CLSTN2: variants seen among roughly 807,000 people sequenced by gnomAD.
CLSTN2 encodes calsyntenin 2, also known as calsyntenin-2.
A neutral mutation model predicts 101.2 loss-of-function variants in CLSTN2; 48 were observed. The observed-to-expected ratio is 0.47, with a 90% CI of 0.38 to 0.60. The LOEUF is 0.60. Ranked by LOEUF, CLSTN2 falls within the 20% of genes least tolerant of loss-of-function variation. The pLI, the probability that CLSTN2 is intolerant of heterozygous loss-of-function variation, is 0.00. For missense variants in CLSTN2, 1,160 were observed against 1,238.2 expected (o/e 0.94, Z 0.95); for synonymous variants, 481 against 463.6 (o/e 1.04, Z -0.48).
intron 1 of CLSTN2, among the ~76,000 whole-genome samples, chr3:140,130,789 G>A (rs1346217683): frequency 1.3e-5 from 2 of 152,114 alleles, no homozygotes; most frequent in Non-Finnish European, 2.9e-5. Flanking sequence ...ATATTCCTGT[G>A]ATATATTTTG....
intron 2 of CLSTN2, among the ~76,000 whole-genome samples, chr3:140,221,269 T>C (rs1228124065): frequency 6.6e-6 from 1 of 152,238 alleles, no homozygotes; most frequent in Non-Finnish European, 1.5e-5. Flanking sequence ...AAAACTCATT[T>C]GGTAAAAAAA....
At chr3:140,153,405 C>A (rs2009899411) in intron 1 of CLSTN2, among the ~76,000 whole-genome samples, 1 of 152,392 alleles carries the variant, frequency 6.6e-6, no homozygotes, top group Non-Finnish European at 1.5e-5. Flanking sequence ...GGAGCTGTGG[C>A]TTGGGCATTC....
chr3:140,424,051 G>C (rs2088534903), intron 5 of CLSTN2, among the ~76,000 whole-genome samples: 1 of 152,266 alleles, frequency 6.6e-6, no homozygotes, highest in South Asian at 2.1e-4. Flanking sequence ...CTTTGTTTGA[G>C]TGTTCAATTT....
At chr3:140,038,607 A>C (rs560910107) in intron 1 of CLSTN2, among the ~76,000 whole-genome samples, 1 of 152,198 alleles carries the variant, frequency 6.6e-6, no homozygotes, top group South Asian at 2.1e-4. Flanking sequence ...TTTGTCATGA[A>C]ATTTTTGAGA....
At chr3:140,484,570 G>A (rs1314315701) in intron 8 of CLSTN2, among the ~76,000 whole-genome samples, 1 of 151,102 alleles carries the variant, frequency 6.6e-6, no homozygotes, top group Non-Finnish European at 1.5e-5. Flanking sequence ...TTCCAACTTA[G>A]TTCCATTCTC....
chr3:140,164,133 A>C (rs2010095911), intron 1 of CLSTN2, among the ~76,000 whole-genome samples: 1 of 152,212 alleles, frequency 6.6e-6, no homozygotes, highest in Non-Finnish European at 1.5e-5. Flanking sequence ...GAATGTGAGC[A>C]TTAAACAATC....
At chr3:140,038,571 C>T (rs899856630) in intron 1 of CLSTN2, among the ~76,000 whole-genome samples, 2 of 151,942 alleles carry the variant, frequency 1.3e-5, no homozygotes, top group Admixed American at 1.3e-4. Flanking sequence ...TCAATTTTTG[C>T]TTTTGTTGCA....
intron 4 of CLSTN2, among the ~76,000 whole-genome samples, chr3:140,406,350 T>C (rs2088301635): frequency 6.6e-6 from 1 of 151,716 alleles, no homozygotes; most frequent in East Asian, 1.9e-4. Flanking sequence ...AGAACTAATA[T>C]TCATAAGACA....
chr3:140,375,524 C>G (rs532834759), intron 2 of CLSTN2, among the ~76,000 whole-genome samples: 1 of 152,240 alleles, frequency 6.6e-6, no homozygotes, highest in East Asian at 1.9e-4. Flanking sequence ...GCCCAATTAC[C>G]CTAGTTTTAT....
At chr3:140,016,500 C>T (rs1430430993) in intron 1 of CLSTN2, among the ~76,000 whole-genome samples, 1 of 151,836 alleles carries the variant, frequency 6.6e-6, no homozygotes, top group Non-Finnish European at 1.5e-5. Context: ...AGATTTGTGA[C>T]AATTTGAAAA....
intron 1 of CLSTN2, among the ~76,000 whole-genome samples, chr3:140,041,113 T>C (rs1045721675): frequency 5.3e-5 from 8 of 152,204 alleles, no homozygotes; most frequent in Non-Finnish European, 8.8e-5. Context: ...ATTCATCACG[T>C]TAAATCCGGA....
chr3:140,235,754 C>T (rs183994198), intron 2 of CLSTN2, among the ~76,000 whole-genome samples: 8 of 152,232 alleles, frequency 5.3e-5, no homozygotes, highest in Non-Finnish European at 1.2e-4. Context: ...TAAACATTCT[C>T]CTACTGAGTA....
intron 1 of CLSTN2, among the ~76,000 whole-genome samples, chr3:139,971,510 T>C (rs760878484): frequency 5.9e-5 from 9 of 152,326 alleles, no homozygotes; most frequent in South Asian, 2.1e-4. Flanking sequence ...AGCTGTAGAA[T>C]GCAGAGCATT....
At chr3:140,088,215 A>G (rs1289862570) in intron 1 of CLSTN2, among the ~76,000 whole-genome samples, 1 of 152,242 alleles carries the variant, frequency 6.6e-6, no homozygotes, top group Non-Finnish European at 1.5e-5. Context: ...TGGTACTATC[A>G]TAAAAGCCAC....
At chr3:140,066,722 T>C (rs4600787) in intron 1 of CLSTN2, among the ~76,000 whole-genome samples, 17,146 of 152,202 alleles carry the variant, frequency 0.11, 1,655 homozygotes, top group African/African-American at 0.26. Context: ...TTTACATTCA[T>C]CTTTGACCAC....
At chr3:140,403,288 G>C (rs1559859697) in intron 2 of CLSTN2, among the ~76,000 whole-genome samples, 4 of 152,180 alleles carry the variant, frequency 2.6e-5, no homozygotes, top group South Asian at 2.1e-4. Flanking sequence ...ATGGAGAAGT[G>C]GGGGAGGTAG....
At chr3:139,961,596 T>A (rs907641664) in intron 1 of CLSTN2, among the ~76,000 whole-genome samples, 8 of 152,200 alleles carry the variant, frequency 5.3e-5, no homozygotes, top group African/African-American at 1.9e-4. Context: ...AGGGTGGCAC[T>A]TTGCAGAGAA....
At chr3:139,958,718 CAT>C (rs375749469) in intron 1 of CLSTN2, among the ~76,000 whole-genome samples, 7 of 151,758 alleles carry the variant, frequency 4.6e-5, no homozygotes, top group African/African-American at 1.4e-4. Flanking sequence ...GAAAACCCCA[CAT>C]GTCTGGAACA....
At chr3:140,264,375 A>AATATATATATATATATAT (rs61248635) in intron 2 of CLSTN2, among the ~76,000 whole-genome samples, 3 of 98,520 alleles carry the variant, frequency 3.0e-5, no homozygotes, top group Non-Finnish European at 6.0e-5. Context: ...TAATGAATCA[A>AATATATATATATATATAT]ATATATATAT....
Sources: allele counts gnomAD v4.1 joint callset (sites outside exome capture counted in the v4.1 genomes callset), GRCh38; gene constraint gnomAD v4.1.1; transcripts MANE v1.5; gene names NCBI Gene and HGNC (gene_info 2026-07-23, HGNC 2026-07-21).